DHRS4L2: variants seen among roughly 807,000 people sequenced by gnomAD.
DHRS4L2 encodes the protein dehydrogenase/reductase SDR family member 4-like 2.
Under a neutral mutation model 23.9 loss-of-function variants are expected in DHRS4L2, and 22 were observed. The ratio of observed to expected loss-of-function variants is 0.92; its 90% CI spans 0.66 to 1.31. The LOEUF (loss-of-function observed/expected upper bound fraction) is 1.31, where lower values mean the gene tolerates loss of function less well. Among genes scored for constraint, DHRS4L2 ranks in the 40% most tolerant of loss-of-function variants. The pLI is 0.00. For synonymous variants in DHRS4L2, 141 were observed against 123.7 expected (o/e 1.14, Z -0.93); for missense variants, 385 against 303.3 (o/e 1.27, Z -2.00).
chr14:23,984,086 GAAGA>G (rs1027228492), upstream of DHRS4L2, among the ~76,000 whole-genome samples: 1 of 151,444 alleles, frequency 6.6e-6, no homozygotes. Context: ...TTGGAGCATA[GAAGA>G]AAGAAAAGAA....
intron 1 of DHRS4L2, among the ~76,000 whole-genome samples, chr14:23,983,646 G>T (rs1403558619): frequency 2.0e-5 from 3 of 151,680 alleles, no homozygotes; most frequent in Non-Finnish European, 4.4e-5. Flanking sequence ...GCCCATCAAT[G>T]ATAGACTGCA....
At chr14:23,971,220 T>C (rs4982826) in intron 1 of DHRS4L2, among the ~76,000 whole-genome samples, 11,708 of 152,038 alleles carry the variant, frequency 0.077, 696 homozygotes, top group East Asian at 0.23. Context: ...AAGGAACATG[T>C]TCTAACCCAT....
chr14:23,991,487 C>A (rs61999802), intron 2 of DHRS4L2, among the ~76,000 whole-genome samples: 3,379 of 151,864 alleles, frequency 0.022, 113 homozygotes, highest in Middle Eastern at 0.054. Context: ...GTGCCCCCCA[C>A]CAGGTTCACT....
chr14:23,985,604 A>G (rs539149135), upstream of DHRS4L2, among the ~76,000 whole-genome samples: 3 of 151,892 alleles, frequency 2.0e-5, 1 homozygote, highest in African/African-American at 7.2e-5. Context: ...CAAGATAGGC[A>G]GATGTTACCA....
chr14:23,998,366 C>A (rs539108558), intron 3 of DHRS4L2, among the ~76,000 whole-genome samples: 1 of 151,288 alleles, frequency 6.6e-6, no homozygotes, highest in Non-Finnish European at 1.5e-5. Context: ...ATAAGCCTGT[C>A]CTTTGAAGTT....
At chr14:24,001,172 C>T (rs1594476838) in intron 5 of DHRS4L2, 88 bp downstream of exon 5, 1 of 1,605,692 alleles carries the variant, frequency 6.2e-7, no homozygotes, top group Non-Finnish European at 8.5e-7. Flanking sequence ...TTTGTGTCCC[C>T]TTGTAGAATC....
At chr14:23,998,277 A>G (rs1234298879) in intron 3 of DHRS4L2, among the ~76,000 whole-genome samples, 1 of 151,828 alleles carries the variant, frequency 6.6e-6, no homozygotes, top group Admixed American at 6.6e-5. Context: ...AAATCTTGAG[A>G]GCCCTAGAAT....
At chr14:23,999,227 A>G (rs2034438140) in intron 3 of DHRS4L2, among the ~76,000 whole-genome samples, 2 of 150,512 alleles carry the variant, frequency 1.3e-5, no homozygotes, top group Admixed American at 1.3e-4. Flanking sequence ...TATAATAATA[A>G]TGGAAAGGTC....
chr14:23,972,585 G>A (rs1256692542), intron 1 of DHRS4L2, among the ~76,000 whole-genome samples: 2 of 151,890 alleles, frequency 1.3e-5, no homozygotes, highest in African/African-American at 2.4e-5. Context: ...GGGGTGGCTT[G>A]CCCCTCCACA....
intron 1 of DHRS4L2, among the ~76,000 whole-genome samples, chr14:23,981,480 A>G (rs1375821862): frequency 6.6e-6 from 1 of 151,714 alleles, no homozygotes; most frequent in African/African-American, 2.4e-5. Flanking sequence ...AACCAAAAAA[A>G]GAGCCCATAT....
chr14:23,990,071 T>A, intron 1 of DHRS4L2, 111 bp from the exon 2 acceptor site: 1 of 1,519,338 alleles, frequency 6.6e-7, no homozygotes, highest in African/African-American at 1.4e-5. Context: ...GTAGGAGTTA[T>A]ATAGAGAAAG....
chr14:23,996,718 G>A (rs1171960994), intron 3 of DHRS4L2, among the ~76,000 whole-genome samples: 1 of 145,122 alleles, frequency 6.9e-6, no homozygotes, highest in Non-Finnish European at 1.5e-5. Flanking sequence ...TCAGCTCACT[G>A]CAACCTCAGC....
At chr14:24,001,588 C>T in intron 6 of DHRS4L2, 71 bp downstream of exon 6, 2 of 1,567,702 alleles carry the variant, frequency 1.3e-6, no homozygotes, top group Non-Finnish European at 8.6e-7. Flanking sequence ...CAGGGAAGCC[C>T]ACTACCTGAG....
At chr14:23,999,367 A>AAAAAAAAC (rs2034444125) in intron 3 of DHRS4L2, among the ~76,000 whole-genome samples, 2 of 116,802 alleles carry the variant, frequency 1.7e-5, no homozygotes, top group Non-Finnish European at 3.6e-5. Context: ...AAAAAAAAAA[A>AAAAAAAAC]AAAAAAACAA....
At chr14:23,992,330 T>A (rs1348089259) in intron 2 of DHRS4L2, among the ~76,000 whole-genome samples, 1 of 151,524 alleles carries the variant, frequency 6.6e-6, no homozygotes, top group African/African-American at 2.4e-5. Context: ...TCCAACCCCA[T>A]GTCAAAAAGT....
chr14:23,982,343 T>A (rs2034070018), intron 1 of DHRS4L2, among the ~76,000 whole-genome samples: 1 of 151,678 alleles, frequency 6.6e-6, no homozygotes, highest in Non-Finnish European at 1.5e-5. Context: ...CATGTTTCTG[T>A]GAGCTCAAGG....
intron 3 of DHRS4L2, among the ~76,000 whole-genome samples, chr14:23,998,309 T>C (rs2034422846): frequency 6.6e-6 from 1 of 151,962 alleles, no homozygotes; most frequent in East Asian, 1.9e-4. Context: ...TAAATGAGCA[T>C]TGGCTTCAAC....
At chr14:23,972,759 T>G (rs1405566117) in intron 1 of DHRS4L2, among the ~76,000 whole-genome samples, 1 of 151,996 alleles carries the variant, frequency 6.6e-6, no homozygotes, top group Non-Finnish European at 1.5e-5. Flanking sequence ...TTATTGATTA[T>G]TATCGTCATT....
intron 1 of DHRS4L2, among the ~76,000 whole-genome samples, chr14:23,975,060 A>G (rs947530575): frequency 2.0e-5 from 3 of 151,792 alleles, no homozygotes; most frequent in African/African-American, 7.3e-5. Context: ...CTCTTATTCA[A>G]CATAGTATTG....
Sources: allele counts gnomAD v4.1 joint callset (sites outside exome capture counted in the v4.1 genomes callset), GRCh38; gene constraint gnomAD v4.1.1; transcripts MANE v1.5; gene names NCBI Gene and HGNC (gene_info 2026-07-23, HGNC 2026-07-21).